The following CBFB variants were observed in gnomAD, a reference collection of about 807,000 sequenced individuals.
CBFB encodes the protein core-binding factor subunit beta, also known as CBF-beta.
CBFB carries 9 observed loss-of-function variants against 30.4 expected under a neutral mutation model. The observed-to-expected ratio is 0.30, with a 90% CI of 0.18 to 0.52. The LOEUF (loss-of-function observed/expected upper bound fraction) is 0.52, where lower values mean the gene tolerates loss of function less well. CBFB is among the 20% of genes least tolerant of loss of function. CBFB has a pLI of 0.97. For synonymous variants in CBFB, 94 were observed against 84.0 expected (o/e 1.12, Z -0.65); for missense variants, 170 against 244.0 (o/e 0.70, Z 2.02).
chr16:67,088,134 A>T (rs1961779522), intron 5 of CBFB, among the ~76,000 whole-genome samples: 1 of 152,190 alleles, frequency 6.6e-6, no homozygotes, highest in Non-Finnish European at 1.5e-5. Flanking sequence ...TGTCATCTGG[A>T]AAATTGGGCT....
At chr16:67,088,179 A>AT (rs1179165557) in intron 5 of CBFB, among the ~76,000 whole-genome samples, 1 of 152,148 alleles carries the variant, frequency 6.6e-6, no homozygotes. Context: ...TGGCAATCAC[A>AT]TAGGGGAGTT....
At position 67,100,093 on chromosome 16, in the gene CBFB, C is replaced by T; in HGVS notation, c.*1315C>T. 4.7e-6 allele frequency: 1 copy of T among 212,650 alleles called. No individual in the cohort carries two copies. The highest frequency in any genetic ancestry group is 9.5e-6 in the Non-Finnish European group (1 of 104,910). The allele number at this position is 212,650 out of a possible 1,614,324, so 13.2% of individuals were successfully genotyped here. A position where few individuals can be genotyped will look rare whatever the true frequency, so the allele number is the denominator to read the frequency against. ...TTTTTTTTAGATACAGAGTGGAAAA[C>T]AGTGCTAAGTCATTTGGCACCTCCT... On this transcript the variant is annotated 3_prime_UTR_variant, in exon 6 of 6. Coordinates refer to ENST00000412916, the MANE Select transcript of CBFB (RefSeq NM_022845.3).
At chr16:67,080,344 CTT>C (rs1471128753) in intron 4 of CBFB, among the ~76,000 whole-genome samples, 2 of 151,666 alleles carry the variant, frequency 1.3e-5, no homozygotes, top group Admixed American at 6.6e-5. Context: ...TAGGAGGAAA[CTT>C]TTTATAGGAA....
At chr16:67,046,472 G>C (rs781414916) in intron 3 of CBFB, among the ~76,000 whole-genome samples, 1 of 152,068 alleles carries the variant, frequency 6.6e-6, no homozygotes, top group Non-Finnish European at 1.5e-5. Context: ...TAATTTCTTT[G>C]TAGCACTGCT....
At chr16:67,035,459 A>G (rs1433529131) in intron 2 of CBFB, among the ~76,000 whole-genome samples, 4 of 152,220 alleles carry the variant, frequency 2.6e-5, no homozygotes, top group African/African-American at 9.6e-5. Flanking sequence ...TTACCACATG[A>G]AAATGGTACC....
intron 3 of CBFB, among the ~76,000 whole-genome samples, chr16:67,051,176 A>G (rs1184901435): frequency 6.6e-6 from 1 of 152,194 alleles, no homozygotes; most frequent in Non-Finnish European, 1.5e-5. Flanking sequence ...TGTGTCTTAC[A>G]AAGAATAGAT....
At chr16:67,067,246 C>T (rs756498123) in intron 4 of CBFB, among the ~76,000 whole-genome samples, 10 of 150,876 alleles carry the variant, frequency 6.6e-5, no homozygotes, top group Non-Finnish European at 1.0e-4. Context: ...CGTGGTGGCT[C>T]ACACCTGTAA....
intron 5 of CBFB, among the ~76,000 whole-genome samples, chr16:67,091,784 G>A (rs1352931079): frequency 1.3e-5 from 2 of 152,046 alleles, no homozygotes; most frequent in Non-Finnish European, 2.9e-5. Context: ...AGAATGTGCA[G>A]GTTTGTTACA....
Position 67,029,757 on chromosome 16 carries a change from C to T in CBFB, c.109C>T (p.His37Tyr). The T allele has an allele frequency of 1.3e-6, 2 of 1,596,852 alleles. No homozygotes were observed. The highest frequency in any genetic ancestry group is 1.1e-5 in the South Asian group (1 of 89,032). Residue 37 changes from histidine to tyrosine, a missense_variant, in exon 2 of 6, where the codon CAC becomes TAC. Physicochemically the swap from His to Tyr is moderately conservative, Grantham distance 83. Transcript: ENST00000412916. ...IKYTGFRDRP[H>Y]EERQARFQNA... ...GTACACGGGCTTCAGGGACCGGCCC[C>T]ACGAGGAACGCCAGGCACGCTTCCA...
Position 67,036,671 on chromosome 16 carries a change from C to G in CBFB, c.198C>G (p.Leu66=), listed in dbSNP as rs746050871. 2 of 1,613,734 alleles carry G rather than the reference C, an allele frequency of 1.2e-6. No individual in the cohort carries two copies. Among genetic ancestry groups the G allele is most frequent in the South Asian group, 1.1e-5 (1 of 91,074 alleles). Residue 66 remains leucine (L), a synonymous_variant, in exon 3 of 6, where the codon CTC becomes CTG. Coordinates refer to ENST00000412916, the MANE Select transcript of CBFB (RefSeq NM_022845.3). The part of the protein sequence containing the change: ...AFVATGTNLS[L]QFFPASWQGE... ...TGGCCACAGGAACCAATCTGTCTCT[C>G]CAGTTTTTTCCGGCCAGCTGGCAGG...
intron 3 of CBFB, among the ~76,000 whole-genome samples, chr16:67,046,949 G>A (rs1966637179): frequency 6.6e-6 from 1 of 152,044 alleles, no homozygotes; most frequent in African/African-American, 2.4e-5. Context: ...AGTATTATCT[G>A]TTATAAGCTT....
chr16:67,032,819 A>G (rs1403933848), intron 2 of CBFB, among the ~76,000 whole-genome samples: 1 of 152,226 alleles, frequency 6.6e-6, no homozygotes, highest in Admixed American at 6.5e-5. Flanking sequence ...TCTCAAAACT[A>G]TTCCCAACCT....
At chr16:67,091,861 G>GTGT (rs1295818511) in intron 5 of CBFB, among the ~76,000 whole-genome samples, 1 of 151,696 alleles carries the variant, frequency 6.6e-6, no homozygotes, top group African/African-American at 2.4e-5. Flanking sequence ...TGTTGTTGTT[G>GTGT]TTGTTTGTTT....
intron 2 of CBFB, 182 bp downstream of exon 2, chr16:67,029,995 C>A: frequency 2.1e-6 from 1 of 473,742 alleles, no homozygotes; most frequent in South Asian, 3.5e-5. Flanking sequence ...CGCGGGGAGA[C>A]GCTTTTCCTG....
chr16:67,074,801 T>C (rs1597150357), intron 4 of CBFB, among the ~76,000 whole-genome samples: 2 of 152,224 alleles, frequency 1.3e-5, no homozygotes, highest in African/African-American at 4.8e-5. Context: ...TAACGAATTA[T>C]GGTAAAACCA....
chr16:67,088,880 A>G (rs8047502), intron 5 of CBFB, among the ~76,000 whole-genome samples: 3 of 152,172 alleles, frequency 2.0e-5, no homozygotes, highest in Non-Finnish European at 4.4e-5. Context: ...TGTAAGGTTA[A>G]GATTACTAAG....
chr16:67,029,401 C>A lies in CBFB; in HGVS notation c.-7C>A. 2 of 1,547,300 alleles carry A rather than the reference C, an allele frequency of 1.3e-6. No homozygotes were observed. Among genetic ancestry groups the A allele is most frequent in the Non-Finnish European group, 1.7e-6 (2 of 1,150,246 alleles). The stretch of plus-strand genomic sequence containing the variant: ...GCGGCCGGCCGGCGCGGCCTCAGGG[C>A]GGGAAGATGCCGCGCGTCGTGCCCG... On this transcript the variant is annotated 5_prime_UTR_variant, in exon 1 of 6. Transcript: ENST00000412916.
chr16:67,069,463 A>G (rs1377388775), intron 4 of CBFB, among the ~76,000 whole-genome samples: 2 of 152,222 alleles, frequency 1.3e-5, no homozygotes, highest in Admixed American at 1.3e-4. Context: ...TATGAACAAG[A>G]AAAATTAACA....
intron 2 of CBFB, among the ~76,000 whole-genome samples, chr16:67,031,439 T>A (rs1025072841): frequency 1.3e-5 from 2 of 152,268 alleles, no homozygotes; most frequent in African/African-American, 2.4e-5. Context: ...GTGGTATACC[T>A]GACGATAGAA....
Sources: allele counts gnomAD v4.1 joint callset (sites outside exome capture counted in the v4.1 genomes callset), GRCh38; gene constraint gnomAD v4.1.1; transcripts MANE v1.5; gene names NCBI Gene and HGNC (gene_info 2026-07-23, HGNC 2026-07-21).